The following UBE2E2 variants were observed in gnomAD, a reference collection of about 807,000 sequenced individuals.
The protein encoded by UBE2E2 is ubiquitin conjugating enzyme E2 E2.
UBE2E2 carries 6 observed loss-of-function variants against 24.7 expected under a neutral mutation model. The ratio of observed to expected loss-of-function variants is 0.24; its 90% CI spans 0.13 to 0.48. UBE2E2 has a LOEUF of 0.48. UBE2E2 is among the 20% of genes least tolerant of loss of function. The probability of loss-of-function intolerance (pLI) is 0.99; values close to 1 mark genes in which losing one functional copy is unlikely to be tolerated. For synonymous variants in UBE2E2, 104 were observed against 83.6 expected (o/e 1.24, Z -1.33); for missense variants, 169 against 245.0 (o/e 0.69, Z 2.07).
intron 3 of UBE2E2, among the ~76,000 whole-genome samples, chr3:23,366,604 C>A (rs551341415): frequency 5.6e-4 from 85 of 152,106 alleles, no homozygotes; most frequent in African/African-American, 1.9e-3. Context: ...CAACAGACAC[C>A]AGAGCCTCCT....
At chr3:23,481,568 T>C (rs1376671344) in intron 3 of UBE2E2, among the ~76,000 whole-genome samples, 1 of 152,246 alleles carries the variant, frequency 6.6e-6, no homozygotes, top group African/African-American at 2.4e-5. Flanking sequence ...GGGATTGGTC[T>C]TTCCAAGGCT....
chr3:23,555,855 G>A (rs1695766188), intron 5 of UBE2E2, among the ~76,000 whole-genome samples: 3 of 152,070 alleles, frequency 2.0e-5, no homozygotes, highest in Admixed American at 2.0e-4. Flanking sequence ...AATAAAACAG[G>A]AGTTACCAAG....
intron 3 of UBE2E2, among the ~76,000 whole-genome samples, chr3:23,260,632 G>C (rs551642102): frequency 1.3e-5 from 2 of 152,254 alleles, no homozygotes; most frequent in African/African-American, 4.8e-5. Context: ...GGGCAACATA[G>C]TAAAACCCCA....
chr3:23,384,116 C>A (rs1236531125), intron 3 of UBE2E2, among the ~76,000 whole-genome samples: 1 of 152,066 alleles, frequency 6.6e-6, no homozygotes, highest in East Asian at 1.9e-4. Context: ...CCACCTTAGC[C>A]ACCAAAGTGG....
intron 3 of UBE2E2, among the ~76,000 whole-genome samples, chr3:23,384,579 G>C (rs187441253): frequency 2.4e-4 from 37 of 152,270 alleles, no homozygotes; most frequent in Admixed American, 4.6e-4. Flanking sequence ...CTCTCACTCT[G>C]TCACCCAGGC....
At chr3:23,260,996 G>A (rs774882487) in intron 3 of UBE2E2, among the ~76,000 whole-genome samples, 1 of 152,108 alleles carries the variant, frequency 6.6e-6, no homozygotes, top group Non-Finnish European at 1.5e-5. Flanking sequence ...TCAGCTACCT[G>A]GGAAGCTGAT....
chr3:23,586,810 G>A (rs1696636734), intron 5 of UBE2E2, among the ~76,000 whole-genome samples: 1 of 151,886 alleles, frequency 6.6e-6, no homozygotes, highest in Non-Finnish European at 1.5e-5. Flanking sequence ...TGATGAAGTA[G>A]ATCTACAATT....
intron 3 of UBE2E2, among the ~76,000 whole-genome samples, chr3:23,387,472 C>A (rs1250442211): frequency 6.6e-6 from 1 of 152,088 alleles, no homozygotes; most frequent in East Asian, 1.9e-4. Context: ...CCTTTTTTAT[C>A]TATAGGACAC....
intron 3 of UBE2E2, among the ~76,000 whole-genome samples, chr3:23,226,548 A>T (rs979868047): frequency 2.6e-5 from 4 of 152,192 alleles, no homozygotes; most frequent in African/African-American, 9.7e-5. Flanking sequence ...CCAGGAAAAC[A>T]TCTTTAAGGA....
At chr3:23,301,216 G>A (rs1201293286) in intron 3 of UBE2E2, among the ~76,000 whole-genome samples, 3 of 151,810 alleles carry the variant, frequency 2.0e-5, no homozygotes, top group East Asian at 1.9e-4. Context: ...TTACTTCTTT[G>A]CTATTGTTTC....
intron 3 of UBE2E2, among the ~76,000 whole-genome samples, chr3:23,223,958 A>G (rs1696739418): frequency 6.6e-6 from 1 of 152,096 alleles, no homozygotes; most frequent in African/African-American, 2.4e-5. Context: ...GTGGCTGTAA[A>G]TGCGTGGATT....
rs963880386 is a variant in UBE2E2, at chr3:23,391,385, G to T, written c.228-108223G>T. 3.3e-5 allele frequency among the ~76,000 whole-genome samples: 5 copies of T among 152,204 alleles called. No homozygotes were observed. In the South Asian group the frequency reaches 6.2e-4, roughly 19 times the overall value. On this transcript the variant is annotated intron_variant, in intron 3 of 5. Coordinates refer to ENST00000396703, the MANE Select transcript of UBE2E2 (RefSeq NM_152653.4). ...ACCATAGTTCAGGAATGTGGCCACA[G>T]TATGCCTGTGTATTAGCACATTCAC...
intron 3 of UBE2E2, among the ~76,000 whole-genome samples, chr3:23,466,296 C>T (rs1057395364): frequency 1.8e-4 from 28 of 152,030 alleles, no homozygotes; most frequent in Non-Finnish European, 1.5e-5. Flanking sequence ...GGCAGGTACA[C>T]ATATAAGTGA....
chr3:23,472,157 G>T (rs894756638), intron 3 of UBE2E2, among the ~76,000 whole-genome samples: 2 of 152,246 alleles, frequency 1.3e-5, no homozygotes, highest in African/African-American at 4.8e-5. Flanking sequence ...GAAATTAGGT[G>T]ATTGAGTAAA....
At chr3:23,292,005 C>T (rs1018177496) in intron 3 of UBE2E2, among the ~76,000 whole-genome samples, 7 of 151,764 alleles carry the variant, frequency 4.6e-5, no homozygotes, top group Admixed American at 6.6e-5. Context: ...ACTACAGGCG[C>T]CCGCCACCGC....
chr3:23,376,816 A>T (rs1696533340), intron 3 of UBE2E2, among the ~76,000 whole-genome samples: 1 of 152,158 alleles, frequency 6.6e-6, no homozygotes, highest in Admixed American at 6.5e-5. Context: ...TCTTAGTTTT[A>T]TATGTATTTT....
At chr3:23,448,454 A>G (rs548069113) in intron 3 of UBE2E2, among the ~76,000 whole-genome samples, 3 of 152,310 alleles carry the variant, frequency 2.0e-5, no homozygotes, top group East Asian at 1.9e-4. Flanking sequence ...TTGGAATACT[A>G]TTAGGAATAG....
rs149692747 is a variant in UBE2E2, at chr3:23,505,535, G to C, written c.360+5795G>C. Among the ~76,000 whole-genome samples the C allele has an allele frequency of 1.1e-3, 162 of 152,264 alleles. 1 individual carries two copies. The highest frequency in any genetic ancestry group is 2.0e-3 in the Non-Finnish European group (135 of 68,022). On this transcript the variant is annotated intron_variant, in intron 4 of 5. Coordinates refer to ENST00000396703, the MANE Select transcript of UBE2E2 (RefSeq NM_152653.4). ...AATGGCAAGAAGATAGTATCTGCTG[G>C]TGATAAAATTTGTGCCTCAGGTGTT...
intron 4 of UBE2E2, among the ~76,000 whole-genome samples, chr3:23,514,804 G>T (rs1694692019): frequency 6.6e-6 from 1 of 151,908 alleles, no homozygotes; most frequent in Non-Finnish European, 1.5e-5. Context: ...AAGAATTGAG[G>T]CCACAGTACT....
Sources: allele counts gnomAD v4.1 joint callset (sites outside exome capture counted in the v4.1 genomes callset), GRCh38; gene constraint gnomAD v4.1.1; transcripts MANE v1.5; gene names NCBI Gene and HGNC (gene_info 2026-07-23, HGNC 2026-07-21).